Variants in UBR2 observed in about 807,000 individuals in gnomAD.
UBR2 encodes the protein ubiquitin protein ligase E3 component n-recognin 2, also known as E3 ubiquitin-protein ligase UBR2.
UBR2 carries 92 observed loss-of-function variants against 247.9 expected under a neutral mutation model. The observed-to-expected ratio is 0.37, with a 90% CI of 0.31 to 0.44. The LOEUF (loss-of-function observed/expected upper bound fraction) is 0.44, where lower values mean the gene tolerates loss of function less well. Ranked by LOEUF, UBR2 falls within the 20% of genes least tolerant of loss-of-function variation. UBR2 has a pLI of 1.00. For synonymous variants in UBR2, 672 were observed against 693.5 expected (o/e 0.97, Z 0.49); for missense variants, 1,613 against 2,112.6 (o/e 0.76, Z 4.64).
At chr6:42,685,936 C>A (rs1582736436) in intron 44 of UBR2, among the ~76,000 whole-genome samples, 1 of 152,112 alleles carries the variant, frequency 6.6e-6, no homozygotes, top group African/African-American at 2.4e-5. Context: ...AGTTGAAGCT[C>A]CCCAGCTGTC....
intron 1 of UBR2, among the ~76,000 whole-genome samples, chr6:42,572,785 C>T (rs1469228247): frequency 1.3e-5 from 2 of 151,772 alleles, no homozygotes; most frequent in African/African-American, 4.8e-5. Flanking sequence ...CTCACTACAA[C>T]CTCTGCCTCC....
intron 11 of UBR2, among the ~76,000 whole-genome samples, chr6:42,627,273 G>A (rs1795411425): frequency 1.3e-5 from 2 of 152,078 alleles, no homozygotes; most frequent in Admixed American, 1.3e-4. Context: ...AGTATGCAGG[G>A]TCTGAAAAAT....
intron 11 of UBR2, among the ~76,000 whole-genome samples, chr6:42,630,026 A>T (rs1795603593): frequency 1.3e-5 from 2 of 151,966 alleles, no homozygotes; most frequent in African/African-American, 4.8e-5. Context: ...CCTCACAAGT[A>T]GCTGGAACTA....
Position 42,573,161 on chromosome 6 carries a change from G to T in UBR2, c.79-573G>T, listed in dbSNP as rs188619208. On this transcript the variant is annotated intron_variant, in intron 1 of 46. Transcript: ENST00000372901. ...GAGAGCAAACGGAAAAGGCCTTATAGAGAGAGAGAAGTTGATCAGAGAAAG... is the reference window on the plus strand; with the variant it reads ...GAGAGCAAACGGAAAAGGCCTTATATAGAGAGAGAAGTTGATCAGAGAAAG... 5.5e-5 allele frequency among the ~76,000 whole-genome samples: 8 copies of T among 145,676 alleles called. No homozygotes were observed. In the East Asian group the frequency reaches 1.6e-3, roughly 29 times the overall value.
chr6:42,658,193 A>G (rs1240014588), intron 27 of UBR2, 47 bp from the exon 28 acceptor site: 1 of 1,610,454 alleles, frequency 6.2e-7, no homozygotes, highest in Admixed American at 1.7e-5. Context: ...TTATGTGTAC[A>G]TTGTGATCAT....
At chr6:42,593,422 A>G (rs1050732276) in intron 3 of UBR2, among the ~76,000 whole-genome samples, 5 of 152,228 alleles carry the variant, frequency 3.3e-5, no homozygotes, top group Admixed American at 2.0e-4. Context: ...ATTGTGATAT[A>G]TAACACAAAT....
intron 2 of UBR2, among the ~76,000 whole-genome samples, chr6:42,583,524 G>A (rs1266152064): frequency 6.7e-6 from 1 of 149,572 alleles, no homozygotes; most frequent in Admixed American, 6.7e-5. Flanking sequence ...TGGGATTACA[G>A]GGCTTTTTTT....
At chr6:42,640,404 G>A in intron 16 of UBR2, 134 bp downstream of exon 16, 27 of 503,872 alleles carry the variant, frequency 5.4e-5, no homozygotes, top group South Asian at 1.8e-4. Context: ...GTGTGTGTGT[G>A]TGTGTGTGTG....
intron 2 of UBR2, among the ~76,000 whole-genome samples, chr6:42,580,181 A>G (rs1319219891): frequency 3.9e-5 from 6 of 152,116 alleles, no homozygotes. Flanking sequence ...AGTATAATGG[A>G]ATTTCCCTTG....
chr6:42,674,395 C>G (rs1238563316), intron 38 of UBR2, among the ~76,000 whole-genome samples: 1 of 152,196 alleles, frequency 6.6e-6, no homozygotes, highest in African/African-American at 2.4e-5. Context: ...GAGACGTCCT[C>G]TGACTCTTAT....
rs764443290 is a variant in UBR2 at position 42,684,871 on chromosome 6, C to T, written c.4853C>T (p.Ser1618Leu). Residue 1618 changes from serine to leucine, a missense_variant and splice_region_variant, in exon 44 of 47, where the codon TCG (serine) becomes TTG (leucine). Ser to Leu is a moderately radical substitution (Grantham distance 145). Around this residue, in one of 3 missense-constraint regions of UBR2, gnomAD observed 1,524 missense variants for 1,967.3 expected, o/e 0.77. Transcript: ENST00000372901. ...CTCATTAATCAAGCATCCAATTTCTCGTAAGTTTTGCTGTTAGCATTGAAC... is the reference window on the plus strand; with the variant it reads ...CTCATTAATCAAGCATCCAATTTCTTGTAAGTTTTGCTGTTAGCATTGAAC... ...SSLINQASNF[S>L]CPKSGGDKSR... The T allele has an allele frequency of 2.0e-5, 33 of 1,610,780 alleles. No individual in the cohort carries two copies. The highest frequency in any genetic ancestry group is 2.4e-5 in the Non-Finnish European group (28 of 1,178,124).
In UBR2 at chr6:42,615,188, T is replaced by C; in HGVS notation, c.1093+10T>C. The C allele has an allele frequency of 6.2e-7, 1 of 1,603,060 alleles. No homozygotes were observed. The highest frequency in any genetic ancestry group is 8.5e-7 in the Non-Finnish European group (1 of 1,173,546). On this transcript the variant is annotated intron_variant, in intron 9 of 46. Coordinates refer to ENST00000372901, the MANE Select transcript of UBR2 (RefSeq NM_001363705.2). ...TCCAAATTATGGAAAGGTGAATCTCTTAACTACTTTTAAGGTGTAGAGGAA... is the reference window on the plus strand; with the variant it reads ...TCCAAATTATGGAAAGGTGAATCTCCTAACTACTTTTAAGGTGTAGAGGAA...
intron 11 of UBR2, among the ~76,000 whole-genome samples, chr6:42,626,093 C>T (rs1172904984): frequency 2.6e-5 from 4 of 152,154 alleles, no homozygotes; most frequent in South Asian, 4.1e-4. Context: ...GGATTACAGG[C>T]GTGAGCCACC....
intron 1 of UBR2, among the ~76,000 whole-genome samples, chr6:42,571,954 A>T (rs1031675735): frequency 6.6e-6 from 1 of 152,034 alleles, no homozygotes; most frequent in African/African-American, 2.4e-5. Flanking sequence ...AAGGATGTGT[A>T]TGTATATATA....
chr6:42,606,422 A>G (rs1286684948), intron 6 of UBR2, among the ~76,000 whole-genome samples, 167 bp from the exon 7 acceptor site: 2 of 152,220 alleles, frequency 1.3e-5, no homozygotes, highest in Non-Finnish European at 2.9e-5. Flanking sequence ...AAGTTAGCAT[A>G]GCTTTGAAGG....
intron 6 of UBR2, 70 bp downstream of exon 6, chr6:42,605,929 G>A (rs183081726): frequency 4.6e-6 from 6 of 1,304,218 alleles, no homozygotes; most frequent in South Asian, 1.4e-5. Flanking sequence ...GGTAACTGGA[G>A]AATTGAGTTA....
At chr6:42,580,162 G>A (rs1791787208) in intron 2 of UBR2, among the ~76,000 whole-genome samples, 1 of 151,954 alleles carries the variant, frequency 6.6e-6, no homozygotes, top group South Asian at 2.1e-4. Context: ...ACGTTATCAT[G>A]GGGCCTTCAG....
chr6:42,635,642 G>C, intron 14 of UBR2, 96 bp downstream of exon 14: 1 of 1,424,830 alleles, frequency 7.0e-7, no homozygotes, highest in South Asian at 1.4e-5. Context: ...GGAGAAAATA[G>C]TGGTGATACT....
chr6:42,571,150 G>A (rs1370893227), intron 1 of UBR2, among the ~76,000 whole-genome samples: 2 of 150,388 alleles, frequency 1.3e-5, no homozygotes, highest in Non-Finnish European at 2.9e-5. Context: ...GGCTGAGGCA[G>A]GAGAATGGCG....
Sources: allele counts gnomAD v4.1 joint callset (sites outside exome capture counted in the v4.1 genomes callset), GRCh38; gene constraint gnomAD v4.1.1; regional missense constraint gnomAD v4.1.1; transcripts MANE v1.5; gene names NCBI Gene and HGNC (gene_info 2026-07-23, HGNC 2026-07-21).